The following WDR70 variants were observed in gnomAD, a reference collection of about 807,000 sequenced individuals.
The protein encoded by WDR70 is WD repeat-containing protein 70.
A neutral mutation model predicts 88.6 loss-of-function variants in WDR70; 53 were observed. That is an observed-to-expected ratio of 0.60 (90% CI 0.48 to 0.75). The LOEUF is 0.75. Among genes scored for constraint, WDR70 ranks in the 30% least tolerant of loss-of-function variants. The pLI is 0.00. For missense variants in WDR70, 610 were observed against 823.2 expected (o/e 0.74, Z 3.17); for synonymous variants, 280 against 270.0 (o/e 1.04, Z -0.36).
At chr5:37,634,572 A>G (rs1381786359) in intron 10 of WDR70, among the ~76,000 whole-genome samples, 1 of 152,206 alleles carries the variant, frequency 6.6e-6, no homozygotes, top group African/African-American at 2.4e-5. Flanking sequence ...TCTATAAGGA[A>G]GACAGATTGG....
intron 5 of WDR70, among the ~76,000 whole-genome samples, chr5:37,418,868 A>G (rs1003756097): frequency 5.9e-5 from 9 of 151,744 alleles, no homozygotes; most frequent in Non-Finnish European, 1.0e-4. Flanking sequence ...GGTTCAAGCA[A>G]TTCTCCTGCC....
intron 5 of WDR70, among the ~76,000 whole-genome samples, chr5:37,415,601 C>T (rs1226251951): frequency 9.4e-5 from 13 of 138,250 alleles, no homozygotes; most frequent in East Asian, 7.4e-4. Context: ...GGCGGCTGGC[C>T]GGGCGAGGGG....
At chr5:37,493,175 C>T (rs1740117221) in intron 8 of WDR70, among the ~76,000 whole-genome samples, 2 of 152,074 alleles carry the variant, frequency 1.3e-5, no homozygotes, top group Admixed American at 6.6e-5. Flanking sequence ...TTACCAAAAA[C>T]CAGGGACTTA....
intron 9 of WDR70, among the ~76,000 whole-genome samples, chr5:37,601,708 G>T (rs550998882): frequency 2.6e-5 from 4 of 151,658 alleles, no homozygotes; most frequent in Admixed American, 6.6e-5. Flanking sequence ...ACTTGTTATT[G>T]GTCTGGTCAG....
intron 17 of WDR70, among the ~76,000 whole-genome samples, chr5:37,727,323 A>G (rs1407533925): frequency 1.3e-5 from 2 of 152,190 alleles, no homozygotes; most frequent in East Asian, 3.9e-4. Flanking sequence ...ACAAACAACA[A>G]ACAAATCACT....
chr5:37,577,226 G>A (rs936781287), intron 9 of WDR70, among the ~76,000 whole-genome samples: 2 of 152,118 alleles, frequency 1.3e-5, no homozygotes, highest in East Asian at 1.9e-4. Context: ...AAAACTTATA[G>A]GATGATGATG....
chr5:37,667,846 A>AG (rs1478208101), intron 10 of WDR70, among the ~76,000 whole-genome samples: 1 of 21,728 alleles, frequency 4.6e-5, no homozygotes, highest in African/African-American at 5.4e-5. Flanking sequence ...TACGATCTGA[A>AG]AAAAAAAAAA....
At chr5:37,490,460 C>T (rs1740033614) in intron 8 of WDR70, among the ~76,000 whole-genome samples, 1 of 152,132 alleles carries the variant, frequency 6.6e-6, no homozygotes, top group Non-Finnish European at 1.5e-5. Context: ...CTGGAGAGCA[C>T]ATGCTTTGTC....
chr5:37,427,582 G>T (rs1171811015), intron 5 of WDR70, among the ~76,000 whole-genome samples: 1 of 151,318 alleles, frequency 6.6e-6, no homozygotes, highest in East Asian at 2.0e-4. Context: ...CAGGATAAAA[G>T]ATACATTTCC....
chr5:37,449,590 C>CAAAAAAAAAAAA (rs376148041), intron 7 of WDR70, among the ~76,000 whole-genome samples: 5 of 85,710 alleles, frequency 5.8e-5, no homozygotes, highest in African/African-American at 2.2e-4. Flanking sequence ...AATTTTGTCT[C>CAAAAAAAAAAAA]AAAAAAAAAA....
At chr5:37,717,627 C>T (rs911999241) in intron 13 of WDR70, among the ~76,000 whole-genome samples, 2 of 152,158 alleles carry the variant, frequency 1.3e-5, no homozygotes, top group African/African-American at 2.4e-5. Flanking sequence ...GTTCCTTAGG[C>T]TTCTAGCAGG....
At position 37,415,964 on chromosome 5, in the gene WDR70, A is replaced by G. The variant is rs574156041; in HGVS notation, c.492+19394A>G. Among the ~76,000 whole-genome samples the G allele has an allele frequency of 2.6e-5, 4 of 151,310 alleles. No individual in the cohort carries two copies. In the South Asian group the frequency reaches 6.3e-4, roughly 24 times the overall value. ...TTCCTAGATGGGCTGGCGGCCGGGAAGAGGCGCTTCTCACTTCCTGGATGG... is the reference window on the plus strand; with the variant it reads ...TTCCTAGATGGGCTGGCGGCCGGGAGGAGGCGCTTCTCACTTCCTGGATGG... On this transcript the variant is annotated intron_variant, in intron 5 of 17. Coordinates refer to ENST00000265107, the MANE Select transcript of WDR70 (RefSeq NM_018034.4).
At chr5:37,581,588 T>A (rs1743217790) in intron 9 of WDR70, among the ~76,000 whole-genome samples, 1 of 152,004 alleles carries the variant, frequency 6.6e-6, no homozygotes, top group South Asian at 2.1e-4. Flanking sequence ...TAAGAGGAGA[T>A]CAAAGCAATG....
chr5:37,440,911 T>C (rs1048237338), intron 6 of WDR70, among the ~76,000 whole-genome samples: 4 of 152,240 alleles, frequency 2.6e-5, no homozygotes, highest in Non-Finnish European at 4.4e-5. Context: ...GATTTAACAA[T>C]TTTTAGTTCT....
chr5:37,509,847 A>G (rs1023147671), intron 8 of WDR70, among the ~76,000 whole-genome samples: 1 of 146,684 alleles, frequency 6.8e-6, no homozygotes, highest in South Asian at 2.1e-4. Flanking sequence ...AATATTTTTT[A>G]AAAAGTATTT....
intron 3 of WDR70, among the ~76,000 whole-genome samples, chr5:37,383,400 C>T (rs1748494458): frequency 6.6e-6 from 1 of 152,022 alleles, no homozygotes. Flanking sequence ...GCTGGGATTA[C>T]AGGTGACCAC....
intron 5 of WDR70, among the ~76,000 whole-genome samples, chr5:37,435,701 A>G (rs976133367): frequency 6.6e-6 from 1 of 152,204 alleles, no homozygotes; most frequent in African/African-American, 2.4e-5. Flanking sequence ...TGAAAATCTT[A>G]GTTATCTCTT....
intron 9 of WDR70, among the ~76,000 whole-genome samples, chr5:37,545,203 G>T (rs1741947891): frequency 6.6e-6 from 1 of 151,948 alleles, no homozygotes; most frequent in African/African-American, 2.4e-5. Flanking sequence ...AGCAGCTGTT[G>T]GTATGACAAT....
At chr5:37,646,742 C>T (rs1745250084) in intron 10 of WDR70, among the ~76,000 whole-genome samples, 1 of 152,142 alleles carries the variant, frequency 6.6e-6, no homozygotes, top group Non-Finnish European at 1.5e-5. Flanking sequence ...CATATTGGAG[C>T]CCTGCTGTAT....
Sources: gnomAD v4.1 joint callset for allele counts (sites outside exome capture counted in the v4.1 genomes callset) on GRCh38, gnomAD v4.1.1 for gene constraint, MANE v1.5 for transcripts, NCBI Gene and HGNC (gene_info 2026-07-23, HGNC 2026-07-21) for gene names.